INO80: variants seen among roughly 807,000 people sequenced by gnomAD.
INO80 encodes chromatin-remodeling ATPase INO80.
INO80 carries 20 observed loss-of-function variants against 203.4 expected under a neutral mutation model. That is an observed-to-expected ratio of 0.10 (90% CI 0.07 to 0.14). INO80 has a LOEUF of 0.14. INO80 is among the 10% of genes least tolerant of loss of function. The pLI is 1.00. For missense variants in INO80, 1,419 were observed against 1,914.4 expected, an observed-to-expected ratio of 0.74 and a Z score of 4.83; for synonymous variants, 726 against 685.2, an observed-to-expected ratio of 1.06 and a Z score of -0.93.
chr15:40,997,921 A>C (rs541110113), intron 28 of INO80, among the ~76,000 whole-genome samples: 1 of 152,004 alleles, frequency 6.6e-6, no homozygotes, highest in Non-Finnish European at 1.5e-5. Flanking sequence ...TCTCACTGTC[A>C]TATTTTTAAA....
At chr15:41,102,393 C>T (rs564691447) in intron 1 of INO80, among the ~76,000 whole-genome samples, 2 of 152,218 alleles carry the variant, frequency 1.3e-5, no homozygotes, top group African/African-American at 2.4e-5. Context: ...TTAGGCCAGG[C>T]GCAGTGGCTC....
intron 16 of INO80, among the ~76,000 whole-genome samples, chr15:41,058,426 C>T (rs756263529): frequency 9.2e-5 from 14 of 152,004 alleles, no homozygotes; most frequent in African/African-American, 1.7e-4. Context: ...CTGGGGAGGC[C>T]GATGCGAGAG....
chr15:41,033,204 T>C (rs2044517388), intron 24 of INO80, among the ~76,000 whole-genome samples: 1 of 152,226 alleles, frequency 6.6e-6, no homozygotes, highest in Non-Finnish European at 1.5e-5. Flanking sequence ...GACATTTAAT[T>C]GGAATAGACT....
chr15:40,982,040 A>T (rs1893850861), intron 35 of INO80, among the ~76,000 whole-genome samples: 1 of 152,188 alleles, frequency 6.6e-6, no homozygotes, highest in Non-Finnish European at 1.5e-5. Context: ...CCTTCTTTTC[A>T]TTCCCCTGTA....
At chr15:41,010,121 T>C (rs1298883693) in intron 27 of INO80, among the ~76,000 whole-genome samples, 4 of 152,164 alleles carry the variant, frequency 2.6e-5, no homozygotes, top group African/African-American at 9.7e-5. Context: ...ATGCCACTGA[T>C]TAAAAAGTAG....
rs904017397 is a variant in INO80, at chr15:41,116,244, C to T, written c.-315G>A. The T allele has an allele frequency of 5.0e-6, 2 of 400,946 alleles. No individual in the cohort carries two copies. Among genetic ancestry groups the T allele is most frequent in the Non-Finnish European group, 8.8e-6 (2 of 228,124 alleles). 24.8% of individuals were successfully genotyped at this position (400,946 alleles called of 1,614,324 possible). On this transcript the variant is annotated 5_prime_UTR_variant, in exon 1 of 36. Coordinates refer to ENST00000648947, the MANE Select transcript of INO80 (RefSeq NM_017553.3). ...CTCACTGAGAGGAGCGGAGCAGGGACACGGGGAGCCATGGCGGGGGGGAGG... is the reference window on the plus strand; with the variant it reads ...CTCACTGAGAGGAGCGGAGCAGGGATACGGGGAGCCATGGCGGGGGGGAGG...
At chr15:41,107,688 T>A (rs1239820517) in intron 1 of INO80, among the ~76,000 whole-genome samples, 1 of 152,024 alleles carries the variant, frequency 6.6e-6, no homozygotes, top group African/African-American at 2.4e-5. Context: ...TAATCCCAGC[T>A]ACTCAGGAGG....
intron 31 of INO80, among the ~76,000 whole-genome samples, chr15:40,986,265 G>A (rs1458744213): frequency 1.4e-5 from 2 of 148,038 alleles, no homozygotes; most frequent in Admixed American, 6.8e-5. Context: ...ATTATTTGAA[G>A]CCACATTTAC....
chr15:41,110,537 C>T (rs949352644), intron 1 of INO80, among the ~76,000 whole-genome samples: 1 of 152,110 alleles, frequency 6.6e-6, no homozygotes, highest in Non-Finnish European at 1.5e-5. Context: ...CTGCTGAGCT[C>T]AGGTGATCCT....
At chr15:41,013,931 T>TAA (rs2044166864) in intron 27 of INO80, among the ~76,000 whole-genome samples, 1 of 152,164 alleles carries the variant, frequency 6.6e-6, no homozygotes. Context: ...AAGCTGCTTG[T>TAA]TTGCAAAACC....
intron 29 of INO80, among the ~76,000 whole-genome samples, chr15:40,995,773 G>T (rs576457036): frequency 1.3e-5 from 2 of 152,232 alleles, no homozygotes; most frequent in African/African-American, 4.8e-5. Context: ...AAGGAAAAAG[G>T]CAAGTTTCTA....
chr15:41,109,098 C>T (rs80054936), intron 1 of INO80: 16 of 161,296 alleles, frequency 9.9e-5, no homozygotes, highest in Non-Finnish European at 2.2e-4. Flanking sequence ...ATTCCTGGAA[C>T]AAAAATTATC....
intron 4 of INO80, 99 bp from the exon 5 acceptor site, chr15:41,092,281 C>A (rs931790342): frequency 3.3e-6 from 3 of 910,888 alleles, no homozygotes. Flanking sequence ...ACAAAAACAG[C>A]AGAAAGATAG....
At chr15:41,000,891 C>T (rs1321634751) in intron 28 of INO80, among the ~76,000 whole-genome samples, 1 of 151,732 alleles carries the variant, frequency 6.6e-6, no homozygotes, top group Non-Finnish European at 1.5e-5. Context: ...CTTAGAAATA[C>T]AATGGTTTCT....
chr15:41,093,385 A>G (rs1183127914), intron 4 of INO80, among the ~76,000 whole-genome samples: 1 of 152,102 alleles, frequency 6.6e-6, no homozygotes. Context: ...AGATCACGCC[A>G]CTGCACTACA....
At chr15:41,097,484 T>C (rs1446922996) in intron 1 of INO80, among the ~76,000 whole-genome samples, 1 of 152,140 alleles carries the variant, frequency 6.6e-6, no homozygotes, top group Non-Finnish European at 1.5e-5. Flanking sequence ...CAATAAACCA[T>C]AAATTATTGT....
chr15:41,093,049 A>G (rs936302665), intron 4 of INO80, among the ~76,000 whole-genome samples: 1 of 152,170 alleles, frequency 6.6e-6, no homozygotes, highest in African/African-American at 2.4e-5. Flanking sequence ...AAAGAAAACA[A>G]AAACAAAAAT....
intron 24 of INO80, among the ~76,000 whole-genome samples, chr15:41,040,604 G>A (rs1327266313): frequency 1.3e-5 from 2 of 152,180 alleles, no homozygotes; most frequent in Non-Finnish European, 2.9e-5. Flanking sequence ...TGGGTGCAGT[G>A]GGTCATGCCT....
chr15:41,065,515 A>G (rs1203470395), intron 14 of INO80, among the ~76,000 whole-genome samples: 1 of 152,172 alleles, frequency 6.6e-6, no homozygotes, highest in Admixed American at 6.6e-5. Flanking sequence ...TAGCAATTCT[A>G]CTCATAGGTA....
Sources: gnomAD v4.1 joint callset for allele counts (sites outside exome capture counted in the v4.1 genomes callset) on GRCh38, gnomAD v4.1.1 for gene constraint, MANE v1.5 for transcripts, NCBI Gene and HGNC (gene_info 2026-07-23, HGNC 2026-07-21) for gene names.